The following PAH variants were observed in gnomAD, a reference collection of about 807,000 sequenced individuals.
PAH encodes phenylalanine-4-hydroxylase.
In PAH, 64 loss-of-function variants were observed where a neutral mutation model predicts 62.0. That is an observed-to-expected ratio of 1.03 (90% CI 0.84 to 1.27). The LOEUF (loss-of-function observed/expected upper bound fraction) is 1.27, where lower values mean the gene tolerates loss of function less well. Ranked by LOEUF, PAH falls within the 50% of genes most tolerant of loss-of-function variation. PAH has a pLI of 0.00. For missense variants in PAH, 579 were observed against 542.8 expected (o/e 1.07, Z -0.66); for synonymous variants, 195 against 196.2 (o/e 0.99, Z 0.05).
rs910131541 is a variant in PAH, at chr12:102,843,784, A to G, written c.1066-5T>C. ...TGGCTTCTCTGATAAGCAGTACTGTAGGCCCCAAGTGAAAAGTTATTATCA... is the reference window on the plus strand; with the variant it reads ...TGGCTTCTCTGATAAGCAGTACTGTGGGCCCCAAGTGAAAAGTTATTATCA... On this transcript the variant is annotated splice_region_variant and splice_polypyrimidine_tract_variant and intron_variant, in intron 10 of 12. Transcript: ENST00000553106. The G allele has an allele frequency of 1.2e-6, 2 of 1,613,382 alleles. No homozygotes were observed. Among genetic ancestry groups the G allele is most frequent in the African/African-American group, 2.7e-5 (2 of 74,868 alleles).
chr12:102,841,562 T>C (rs1186562771), intron 11 of PAH, among the ~76,000 whole-genome samples: 1 of 152,160 alleles, frequency 6.6e-6, no homozygotes, highest in Non-Finnish European at 1.5e-5. Context: ...CTCAGGGGGT[T>C]GCAGCAAATG....
rs796178443 is a variant in PAH at position 102,868,184 on chromosome 12, A to G, written c.442-1521T>C. Among the ~76,000 whole-genome samples the G allele has an allele frequency of 3.5e-3, 53 of 15,024 alleles. 4 individuals carry two copies. The highest frequency in any genetic ancestry group is 0.018 in the African/African-American group (43 of 2,360). The allele number at this position is 15,024 out of a possible 152,430, so 9.9% of individuals were successfully genotyped here. ...TATATATACATATATGTGTATATAT[A>G]TATATATATATATATATATATCAGG... On this transcript the variant is annotated intron_variant, in intron 4 of 12. Transcript: ENST00000553106.
intron 1 of PAH, among the ~76,000 whole-genome samples, chr12:102,941,754 G>T (rs1366810285): frequency 1.3e-5 from 2 of 152,010 alleles, no homozygotes; most frequent in African/African-American, 4.8e-5. Context: ...CTATATTCCT[G>T]GGATGCAATG....
chr12:102,954,940 G>T (rs771512412), upstream of PAH, among the ~76,000 whole-genome samples: 1 of 152,062 alleles, frequency 6.6e-6, no homozygotes, highest in Admixed American at 6.6e-5. Flanking sequence ...GGAGGAGAAC[G>T]CCTCGGTTCT....
At chr12:102,907,200 A>G (rs1878010577) in intron 2 of PAH, among the ~76,000 whole-genome samples, 5 of 152,328 alleles carry the variant, frequency 3.3e-5, no homozygotes, top group African/African-American at 1.2e-4. Flanking sequence ...TTTCAATATG[A>G]AAGAAAAAAT....
Position 102,913,968 on chromosome 12 carries a change from C to G in PAH, c.61-1070G>C, listed in dbSNP as rs964584884. The G allele has an allele frequency of 8.4e-5, 55 of 651,382 alleles. No individual in the cohort carries two copies. The Admixed American group carries it at 1.3e-3, about 16-fold the overall frequency. 40.4% of individuals were successfully genotyped at this position (651,382 alleles called of 1,614,324 possible). A position where few individuals can be genotyped will look rare whatever the true frequency, so the allele number is the denominator to read the frequency against. Reference sequence around the variant, plus strand: ...AAAAAATTTGCAGAACAATTACTCTCTTGTAAGCAAGTTAATGAAATTAAT... The same window carrying G: ...AAAAAATTTGCAGAACAATTACTCTGTTGTAAGCAAGTTAATGAAATTAAT... On this transcript the variant is annotated intron_variant, in intron 1 of 12. Coordinates refer to ENST00000553106, the MANE Select transcript of PAH (RefSeq NM_000277.3).
intron 4 of PAH, among the ~76,000 whole-genome samples, chr12:102,872,117 A>G (rs1329549407): frequency 6.6e-6 from 1 of 151,992 alleles, no homozygotes; most frequent in Non-Finnish European, 1.5e-5. Flanking sequence ...ACTTCAAAGT[A>G]GATGCTGGCT....
At chr12:102,895,036 A>G in intron 2 of PAH, 118 bp from the exon 3 acceptor site, 1 of 799,776 alleles carries the variant, frequency 1.3e-6, no homozygotes, top group Non-Finnish European at 2.1e-6. Context: ...GAATACAATT[A>G]TTTTTATAAG....
chr12:102,951,818 G>A (rs1486672702), upstream of PAH, among the ~76,000 whole-genome samples: 1 of 142,168 alleles, frequency 7.0e-6, no homozygotes, highest in Admixed American at 7.5e-5. Context: ...ATTTGAGTCT[G>A]TTTTATGTTC....
chr12:102,918,561 T>G (rs1239679265), upstream of PAH, among the ~76,000 whole-genome samples: 2 of 98,898 alleles, frequency 2.0e-5, no homozygotes, highest in Non-Finnish European at 2.0e-5. Flanking sequence ...CATGCCTCAG[T>G]TTTTTTTTGT....
chr12:102,868,022 A>G (rs573800527), intron 4 of PAH, among the ~76,000 whole-genome samples: 7 of 139,768 alleles, frequency 5.0e-5, no homozygotes, highest in South Asian at 2.2e-4. Flanking sequence ...ATATATACAT[A>G]TATACATGTA....
intron 3 of PAH, among the ~76,000 whole-genome samples, chr12:102,885,331 G>A (rs946520087): frequency 1.3e-5 from 2 of 152,154 alleles, no homozygotes; most frequent in African/African-American, 4.8e-5. Context: ...TGACCCCAGC[G>A]ACCCAGGCCT....
intron 4 of PAH, among the ~76,000 whole-genome samples, chr12:102,871,831 A>G (rs1876329080): frequency 6.6e-6 from 1 of 151,328 alleles, no homozygotes. Flanking sequence ...CTGAGGCAGG[A>G]GAACTGCTTG....
rs1565853567 is a variant in PAH at position 102,866,677 on chromosome 12, GAC to G, written c.442-16_442-15del. Reference sequence around the variant, plus strand: ...ATCTTTAAAACCCTAGGAGAAAAGAGACACCTGATTTTTCAAGGCTTCATAGG... The same window carrying G: ...ATCTTTAAAACCCTAGGAGAAAAGAGACCTGATTTTTCAAGGCTTCATAGG... On this transcript the variant is annotated splice_polypyrimidine_tract_variant and intron_variant, in intron 4 of 12. Transcript: ENST00000553106. The G allele has an allele frequency of 6.2e-7, 1 of 1,610,666 alleles. No individual in the cohort carries two copies.
rs1479684505 is a variant in PAH at position 102,868,067 on chromosome 12, TATATAC to T, written c.442-1410_442-1405del. Among the ~76,000 whole-genome samples the T allele has an allele frequency of 4.0e-4, 50 of 124,104 alleles. 1 individual carries two copies. Among genetic ancestry groups the T allele is most frequent in the African/African-American group, 1.5e-3 (45 of 30,720 alleles). The allele number at this position is 124,104 out of a possible 152,430, so 81.4% of individuals were successfully genotyped here. A position where few individuals can be genotyped will look rare whatever the true frequency, so the allele number is the denominator to read the frequency against. On this transcript the variant is annotated intron_variant, in intron 4 of 12. Coordinates refer to ENST00000553106, the MANE Select transcript of PAH (RefSeq NM_000277.3). Reference sequence around the variant, plus strand: ...ATATATATGTATATATATACACATATATATACATATATGTGTGTGTGTATATATATA... The same window carrying T: ...ATATATATGTATATATATACACATATATATATGTGTGTGTGTATATATATA...
upstream of PAH, among the ~76,000 whole-genome samples, chr12:102,919,918 A>C (rs988670928): frequency 1.3e-5 from 2 of 152,228 alleles, no homozygotes; most frequent in Admixed American, 6.5e-5. Context: ...AAAAGAACAG[A>C]CATCTCTTTG....
chr12:102,933,616 G>A (rs985810280), intron 1 of PAH, among the ~76,000 whole-genome samples: 7 of 151,676 alleles, frequency 4.6e-5, no homozygotes, highest in African/African-American at 1.7e-4. Flanking sequence ...TCCTTTGCCT[G>A]TATTTTGGAT....
intron 1 of PAH, among the ~76,000 whole-genome samples, chr12:102,923,052 A>G (rs951300464): frequency 2.0e-5 from 3 of 152,238 alleles, no homozygotes; most frequent in Non-Finnish European, 4.4e-5. Context: ...GTGACATTGT[A>G]TACTTTACCA....
chr12:102,917,136 C>A lies in PAH; in HGVS notation c.-6G>T, dbSNP rs185069853. On this transcript the variant is annotated 5_prime_UTR_variant, in exon 1 of 13. Transcript: ENST00000553106. ...TCCAGGACCGCAGTGGACATGCTGG[C>A]TCCCCGGGAGTGAGGTCTCTGGCTT... 5.5e-5 allele frequency: 89 copies of A among 1,614,146 alleles called. No individual in the cohort carries two copies. The highest frequency in any genetic ancestry group is 9.3e-6 in the Non-Finnish European group (11 of 1,179,998).
Sources: gnomAD v4.1 joint callset for allele counts (sites outside exome capture counted in the v4.1 genomes callset) on GRCh38, gnomAD v4.1.1 for gene constraint, MANE v1.5 for transcripts, NCBI Gene and HGNC (gene_info 2026-07-23, HGNC 2026-07-21) for gene names.